Variants in TMEM87A observed in about 807,000 individuals in gnomAD.
TMEM87A encodes transmembrane protein 87A.
A neutral mutation model predicts 90.0 loss-of-function variants in TMEM87A; 50 were observed. The ratio of observed to expected loss-of-function variants is 0.56; its 90% CI spans 0.44 to 0.70. The LOEUF is 0.70. TMEM87A is among the 30% of genes least tolerant of loss of function. The pLI is 0.00. For missense variants in TMEM87A, 577 were observed against 660.5 expected (o/e 0.87, Z 1.39); for synonymous variants, 226 against 226.7 (o/e 1.00, Z 0.03).
At chr15:42,264,464 G>A (rs1324583473) in intron 3 of TMEM87A, among the ~76,000 whole-genome samples, 1 of 152,100 alleles carries the variant, frequency 6.6e-6, no homozygotes, top group Non-Finnish European at 1.5e-5. Context: ...GAAACTGCCA[G>A]AGTGTAGAGG....
chr15:42,220,090 T>C lies in TMEM87A; in HGVS notation c.1449A>G (p.Gln483=), dbSNP rs745642394. The change falls in exon 16 of 20, where the codon CAA becomes CAG. Residue 483 remains glutamine (Q), a synonymous_variant. Coordinates refer to ENST00000389834, the MANE Select transcript of TMEM87A (RefSeq NM_015497.5). ...AGCTTTCTTTCAGCATAGGCTCCTTTTGTTCATCCTCCTCCTCTTCCTCAG... is the reference window on the plus strand; with the variant it reads ...AGCTTTCTTTCAGCATAGGCTCCTTCTGTTCATCCTCCTCCTCTTCCTCAG... ...PLSEEEEEDE[Q]KEPMLKESFE... 1 of 1,609,174 alleles carries C rather than the reference T, an allele frequency of 6.2e-7. No homozygotes were observed. The highest frequency in any genetic ancestry group is 8.5e-7 in the Non-Finnish European group (1 of 1,178,566).
intron 19 of TMEM87A, among the ~76,000 whole-genome samples, chr15:42,212,595 T>G: frequency 6.6e-6 from 1 of 152,214 alleles, no homozygotes; most frequent in South Asian, 2.1e-4. Flanking sequence ...GTCTTTTTCC[T>G]AGCTTCCTCA....
chr15:42,227,718 CATGTCA>C lies in TMEM87A; in HGVS notation c.1286_1291del (p.Val429_Cys431delinsGly). ...AATGTGCTTATAACTCACCGACTGACATGTCACTATTCTGAACTTCATGGTTGTCCA... is the reference window on the plus strand; with the variant it reads ...AATGTGCTTATAACTCACCGACTGACCTATTCTGAACTTCATGGTTGTCCA... On this transcript the variant is annotated inframe_deletion, in exon 14 of 20. Coordinates refer to ENST00000389834, the MANE Select transcript of TMEM87A (RefSeq NM_015497.5). The C allele has an allele frequency of 6.2e-7, 1 of 1,613,792 alleles. No individual in the cohort carries two copies. Among genetic ancestry groups the C allele is most frequent in the Non-Finnish European group, 8.5e-7 (1 of 1,179,798 alleles).
intron 3 of TMEM87A, 30 bp downstream of exon 3, chr15:42,267,916 CA>C: frequency 8.9e-6 from 14 of 1,574,638 alleles, no homozygotes; most frequent in African/African-American, 1.4e-5. Flanking sequence ...CACTAAGGTC[CA>C]AAAAAACTCT....
chr15:42,220,513 A>G (rs1048495451), intron 15 of TMEM87A, among the ~76,000 whole-genome samples: 8 of 152,270 alleles, frequency 5.3e-5, no homozygotes, highest in Non-Finnish European at 7.3e-5. Context: ...TTCAGTAGAC[A>G]GTCAACAAAT....
chr15:42,267,855 G>A, intron 3 of TMEM87A, 92 bp downstream of exon 3: 1 of 996,630 alleles, frequency 1.0e-6, no homozygotes, highest in Middle Eastern at 2.9e-4. Flanking sequence ...CTCCTCCATA[G>A]CTACATGATA....
chr15:42,240,674 ATAAT>A (rs1219199766), intron 7 of TMEM87A, among the ~76,000 whole-genome samples: 3 of 152,226 alleles, frequency 2.0e-5, no homozygotes, highest in Non-Finnish European at 4.4e-5. Flanking sequence ...AATTCTAGGC[ATAAT>A]TAATAAATAA....
At position 42,210,771 on chromosome 15, in the gene TMEM87A, A is replaced by C. The variant is rs2050270175; in HGVS notation, c.*937T>G. On this transcript the variant is annotated 3_prime_UTR_variant, in exon 20 of 20. Transcript: ENST00000389834. ...ACGCTACTTCATGCAATAACTGTTT[A>C]AATTAAGCCAGCAGGACCTGTTTCC... The C allele has an allele frequency of 6.5e-6, 1 of 152,722 alleles. No homozygotes were observed. Among genetic ancestry groups the C allele is most frequent in the Non-Finnish European group, 1.5e-5 (1 of 68,076 alleles). The allele number at this position is 152,722 out of a possible 1,614,324, so 9.5% of individuals were successfully genotyped here.
rs187905670 is a variant in TMEM87A, at chr15:42,250,176, G to A, written c.505-6009C>T. Reference sequence around the variant, plus strand: ...TATGTTTGTCTCTGCACATGAGATGGGTATCCTGAATACAGCACACCAATG... The same window carrying A: ...TATGTTTGTCTCTGCACATGAGATGAGTATCCTGAATACAGCACACCAATG... On this transcript the variant is annotated intron_variant, in intron 6 of 19. Coordinates refer to ENST00000389834, the MANE Select transcript of TMEM87A (RefSeq NM_015497.5). Among the ~76,000 whole-genome samples the A allele has an allele frequency of 2.7e-3, 404 of 152,164 alleles. 1 individual carries two copies. Among genetic ancestry groups the A allele is most frequent in the African/African-American group, 9.4e-3 (389 of 41,508 alleles).
At chr15:42,222,335 G>A (rs974464064) in intron 15 of TMEM87A, among the ~76,000 whole-genome samples, 4 of 152,138 alleles carry the variant, frequency 2.6e-5, no homozygotes, top group African/African-American at 9.7e-5. Flanking sequence ...GGGATTATAG[G>A]CATGAACCAC....
intron 15 of TMEM87A, among the ~76,000 whole-genome samples, chr15:42,224,187 G>A (rs1028758228): frequency 2.6e-5 from 4 of 152,180 alleles, no homozygotes; most frequent in Admixed American, 2.6e-4. Flanking sequence ...CTGACCTCCA[G>A]AGGAAATGGT....
At chr15:42,268,236 G>A (rs985035639) in intron 2 of TMEM87A, among the ~76,000 whole-genome samples, 1 of 152,198 alleles carries the variant, frequency 6.6e-6, no homozygotes, top group East Asian at 1.9e-4. Flanking sequence ...TAGAAAAATA[G>A]CAGGTAAGCA....
chr15:42,268,049 C>T lies in TMEM87A; in HGVS notation c.206-17G>A, dbSNP rs1404026984. 2.5e-6 allele frequency: 4 copies of T among 1,600,782 alleles called. No homozygotes were observed. In the African/African-American group the frequency reaches 5.4e-5, roughly 21 times the overall value. On this transcript the variant is annotated splice_polypyrimidine_tract_variant and intron_variant, in intron 2 of 19. Coordinates refer to ENST00000389834, the MANE Select transcript of TMEM87A (RefSeq NM_015497.5). The stretch of plus-strand genomic sequence containing the variant: ...CTCCATCAACTACAAAAGAAGAAAT[C>T]TTTGTTAACAAAAGATAATTCCCCA...
intron 6 of TMEM87A, among the ~76,000 whole-genome samples, chr15:42,254,717 A>T (rs1039726890): frequency 6.6e-6 from 1 of 152,240 alleles, no homozygotes; most frequent in Admixed American, 6.5e-5. Context: ...GGAGAGATGA[A>T]CAGGCAGAGC....
chr15:42,213,085 G>C (rs1268587472), intron 19 of TMEM87A, among the ~76,000 whole-genome samples: 1 of 152,106 alleles, frequency 6.6e-6, no homozygotes. Flanking sequence ...AAAACCTGAG[G>C]CACCCTCTTG....
intron 9 of TMEM87A, among the ~76,000 whole-genome samples, chr15:42,237,124 CT>C (rs1391054140): frequency 6.6e-6 from 1 of 152,098 alleles, no homozygotes; most frequent in African/African-American, 2.4e-5. Context: ...GACAGCTTTA[CT>C]TTTTTTCTTA....
rs758204779 is a variant in TMEM87A at position 42,237,483 on chromosome 15, T to C, written c.817A>G (p.Lys273Glu). 1 of 1,614,142 alleles carries C rather than the reference T, an allele frequency of 6.2e-7. No individual in the cohort carries two copies. Among genetic ancestry groups the C allele is most frequent in the Admixed American group, 1.7e-5 (1 of 60,000 alleles). Residue 273 changes from lysine (K) to glutamate (E), a missense_variant, in exon 9 of 20, where the codon AAA (lysine) becomes GAA (glutamate). Coordinates refer to ENST00000389834, the MANE Select transcript of TMEM87A (RefSeq NM_015497.5). Reference protein sequence around the residue: ...GAVIFLGMLEKAVFYAEFQNI... With the variant: ...GAVIFLGMLEEAVFYAEFQNI... ...TGAAATTCCGCATAGAAGACAGCTTTCTCAAGCATTCCCAGGAAGATGACA... is the reference window on the plus strand; with the variant it reads ...TGAAATTCCGCATAGAAGACAGCTTCCTCAAGCATTCCCAGGAAGATGACA...
intron 6 of TMEM87A, among the ~76,000 whole-genome samples, chr15:42,246,239 A>C (rs1431619124): frequency 6.6e-6 from 1 of 152,220 alleles, no homozygotes; most frequent in Non-Finnish European, 1.5e-5. Flanking sequence ...AGTTGAAGGA[A>C]TTGGCAAATA....
At chr15:42,225,073 T>C (rs1482431296) in intron 15 of TMEM87A, among the ~76,000 whole-genome samples, 5 of 152,222 alleles carry the variant, frequency 3.3e-5, no homozygotes, top group Non-Finnish European at 4.4e-5. Flanking sequence ...TCCTTTATTT[T>C]CTTTCATTAC....
Sources: allele counts gnomAD v4.1 joint callset (sites outside exome capture counted in the v4.1 genomes callset), GRCh38; gene constraint gnomAD v4.1.1; transcripts MANE v1.5; gene names NCBI Gene and HGNC (gene_info 2026-07-23, HGNC 2026-07-21).